Variants in CPNE4 observed in about 807,000 individuals in gnomAD.
CPNE4 encodes copine-4.
Under a neutral mutation model 67.9 loss-of-function variants are expected in CPNE4, and 25 were observed. The observed-to-expected ratio is 0.37, with a 90% CI of 0.27 to 0.51. The LOEUF is 0.51. Ranked by LOEUF, CPNE4 falls within the 20% of genes least tolerant of loss-of-function variation. The pLI is 0.93. For synonymous variants in CPNE4, 242 were observed against 244.9 expected, an observed-to-expected ratio of 0.99 and a Z score of 0.11; for missense variants, 464 against 690.8, an observed-to-expected ratio of 0.67 and a Z score of 3.68.
At chr3:131,984,537 T>C (rs6770499) in intron 1 of CPNE4, among the ~76,000 whole-genome samples, 17,415 of 152,182 alleles carry the variant, frequency 0.11, 3,198 homozygotes, top group African/African-American at 0.39. Context: ...ATGAAAACCC[T>C]CCCATATATA....
At chr3:131,693,087 A>G (rs922704378) in intron 5 of CPNE4, among the ~76,000 whole-genome samples, 3 of 152,190 alleles carry the variant, frequency 2.0e-5, no homozygotes, top group African/African-American at 7.2e-5. Flanking sequence ...ACTCACTCTC[A>G]TTGAAGAGTG....
chr3:131,711,058 G>C (rs919873893), intron 3 of CPNE4, among the ~76,000 whole-genome samples: 1 of 152,196 alleles, frequency 6.6e-6, no homozygotes, highest in South Asian at 2.1e-4. Flanking sequence ...TCATCAAGTG[G>C]TCGTAAAATA....
chr3:131,895,347 A>G (rs2088285876), intron 2 of CPNE4, among the ~76,000 whole-genome samples: 1 of 152,048 alleles, frequency 6.6e-6, no homozygotes, highest in South Asian at 2.1e-4. Context: ...CAAAATAACT[A>G]GAGGAGAGGC....
At chr3:131,777,297 A>C (rs1057020580) in intron 2 of CPNE4, among the ~76,000 whole-genome samples, 2 of 152,092 alleles carry the variant, frequency 1.3e-5, no homozygotes, top group Non-Finnish European at 2.9e-5. Context: ...AACTGTATAA[A>C]TGCAGACAGA....
At chr3:131,804,087 C>G (rs2084225549) in intron 2 of CPNE4, among the ~76,000 whole-genome samples, 1 of 152,178 alleles carries the variant, frequency 6.6e-6, no homozygotes, top group African/African-American at 2.4e-5. Context: ...ATTGATTAAT[C>G]CATCCCATCA....
chr3:132,029,959 T>C (rs1397661199), intron 1 of CPNE4, among the ~76,000 whole-genome samples: 1 of 152,212 alleles, frequency 6.6e-6, no homozygotes, highest in Admixed American at 6.5e-5. Context: ...ATGAGCAATT[T>C]TTTACAGAAC....
chr3:131,898,468 A>G, intron 2 of CPNE4, among the ~76,000 whole-genome samples: 1 of 152,142 alleles, frequency 6.6e-6, no homozygotes, highest in Admixed American at 6.6e-5. Flanking sequence ...AATTATCTTC[A>G]GGGCATACAA....
At chr3:131,955,509 C>T (rs1023774921) in intron 1 of CPNE4, among the ~76,000 whole-genome samples, 1 of 146,336 alleles carries the variant, frequency 6.8e-6, no homozygotes, top group Non-Finnish European at 1.5e-5. Flanking sequence ...CTCCCCTCCA[C>T]TTCTGGTCTT....
chr3:131,587,168 G>A (rs1051240993), intron 8 of CPNE4, among the ~76,000 whole-genome samples: 2 of 152,162 alleles, frequency 1.3e-5, no homozygotes, highest in African/African-American at 2.4e-5. Flanking sequence ...TTTTAGATGA[G>A]CAAAATGAGG....
At chr3:132,010,410 A>C (rs1231994305) in intron 1 of CPNE4, among the ~76,000 whole-genome samples, 1 of 142,900 alleles carries the variant, frequency 7.0e-6, no homozygotes, top group Non-Finnish European at 1.5e-5. Context: ...AGGAAATTTT[A>C]GCTTGAGTTT....
chr3:131,778,686 A>T (rs2083353170), intron 2 of CPNE4, among the ~76,000 whole-genome samples: 5 of 152,116 alleles, frequency 3.3e-5, no homozygotes, highest in Admixed American at 3.3e-4. Flanking sequence ...AGACACTGTG[A>T]ACAGGGTAGA....
chr3:131,756,510 T>C (rs1043017240), intron 2 of CPNE4, among the ~76,000 whole-genome samples: 9 of 152,192 alleles, frequency 5.9e-5, no homozygotes, highest in Non-Finnish European at 1.3e-4. Context: ...TACATTGCAT[T>C]ATCATTCATC....
chr3:131,750,289 A>G (rs142217139), intron 2 of CPNE4, among the ~76,000 whole-genome samples: 9 of 152,144 alleles, frequency 5.9e-5, no homozygotes, highest in African/African-American at 2.2e-4. Context: ...TTGTCTTTCA[A>G]TTGGTATATT....
intron 2 of CPNE4, among the ~76,000 whole-genome samples, chr3:131,760,088 A>G (rs1475294968): frequency 6.6e-6 from 1 of 152,214 alleles, no homozygotes; most frequent in Non-Finnish European, 1.5e-5. Context: ...TTTGTTTGTC[A>G]GAGTACAAAT....
chr3:131,551,384 G>A (rs1936162944), intron 13 of CPNE4, among the ~76,000 whole-genome samples: 2 of 152,078 alleles, frequency 1.3e-5, no homozygotes, highest in African/African-American at 4.8e-5. Context: ...AGATAAGCAA[G>A]TTTGATTTCC....
chr3:131,953,347 C>T (rs2107896872), intron 1 of CPNE4, among the ~76,000 whole-genome samples: 1 of 149,866 alleles, frequency 6.7e-6, no homozygotes, highest in Non-Finnish European at 1.5e-5. Context: ...AATATTTTAG[C>T]TGCGGATTTG....
intron 7 of CPNE4, among the ~76,000 whole-genome samples, chr3:131,635,179 C>T (rs933393469): frequency 6.6e-6 from 1 of 152,136 alleles, no homozygotes; most frequent in South Asian, 2.1e-4. Flanking sequence ...TTTCTAAGAG[C>T]TGCAGTTGTA....
At chr3:131,715,797 T>G (rs881513) in intron 3 of CPNE4, among the ~76,000 whole-genome samples, 109,129 of 152,132 alleles carry the variant, frequency 0.72, 39,484 homozygotes, top group Non-Finnish European at 0.78. Context: ...TGCATCACAT[T>G]AAAGAAGGTC....
chr3:131,814,324 T>C (rs1432857218), intron 2 of CPNE4, among the ~76,000 whole-genome samples: 7 of 152,074 alleles, frequency 4.6e-5, no homozygotes, highest in Non-Finnish European at 1.0e-4. Flanking sequence ...ATCTCGAACA[T>C]TGGCAGTCAC....
Sources: allele counts gnomAD v4.1 joint callset (sites outside exome capture counted in the v4.1 genomes callset), GRCh38; gene constraint gnomAD v4.1.1; transcripts MANE v1.5; gene names NCBI Gene and HGNC (gene_info 2026-07-23, HGNC 2026-07-21).